MORC2: variants seen among roughly 807,000 people sequenced by gnomAD.
The protein encoded by MORC2 is ATPase MORC2.
In MORC2, 30 loss-of-function variants were observed where a neutral mutation model predicts 136.0. The observed-to-expected ratio is 0.22, with a 90% confidence interval of 0.17 to 0.30. MORC2 has a LOEUF of 0.30. Among genes scored for constraint, MORC2 ranks in the 10% least tolerant of loss-of-function variants. The pLI, the probability that MORC2 is intolerant of heterozygous loss-of-function variation, is 1.00. For missense variants in MORC2, 922 were observed against 1,333.1 expected, an observed-to-expected ratio of 0.69 and a Z score of 4.80; for synonymous variants, 439 against 487.0, an observed-to-expected ratio of 0.90 and a Z score of 1.30.
rs762374457 is a variant in MORC2 at position 30,967,920 on chromosome 22, G to C, written c.-31C>G. On this transcript the variant is annotated 5_prime_UTR_variant, in exon 1 of 26. Coordinates refer to ENST00000397641, the MANE Select transcript of MORC2 (RefSeq NM_001303256.3). ...CAATAAGGTCTCCAGCCCTTCACCC[G>C]CTAACTGGGAAATATAACCTTATAA... The C allele has an allele frequency of 6.8e-7, 1 of 1,465,798 alleles. No individual in the cohort carries two copies. The highest frequency in any genetic ancestry group is 2.0e-5 in the Admixed American group (1 of 50,814). 90.8% of individuals were successfully genotyped at this position (1,465,798 alleles called of 1,614,324 possible).
Position 30,953,380 on chromosome 22 carries a change from T to C in MORC2, c.158-2935A>G, listed in dbSNP as rs115169683. Among the ~76,000 whole-genome samples, 1,174 of 152,272 alleles carry C rather than the reference T, an allele frequency of 7.7e-3. 21 individuals are homozygous for C. Among genetic ancestry groups the C allele is most frequent in the African/African-American group, 0.025 (1,037 of 41,538 alleles). ...AGCTCTGTAAGACTGTCAAAGCCAA[T>C]CTGAAAGTCTGCACATCTCCCAGAA... On this transcript the variant is annotated intron_variant, in intron 3 of 25. Transcript: ENST00000397641.
rs368467051 is a variant in MORC2 at position 30,936,944 on chromosome 22, G to A, written c.1592C>T (p.Pro531Leu). 2 of 1,613,072 alleles carry A rather than the reference G, an allele frequency of 1.2e-6. No individual in the cohort carries two copies. Among genetic ancestry groups the A allele is most frequent in the Admixed American group, 1.7e-5 (1 of 59,996 alleles). Residue 531 changes from proline (P) to leucine (L), a missense_variant, in exon 16 of 26, where the codon CCT becomes CTT. Around this residue, in one of 9 missense-constraint regions of MORC2, gnomAD observed 119 missense variants for 202.7 expected, o/e 0.59. Coordinates refer to ENST00000397641, the MANE Select transcript of MORC2 (RefSeq NM_001303256.3). Reference sequence around the variant, plus strand: ...ACAATGTGCTCACCGGTCCTGTTCAGGATCAGGGTTCATGGAGCAAACCCA... The same window carrying A: ...ACAATGTGCTCACCGGTCCTGTTCAAGATCAGGGTTCATGGAGCAAACCCA... ...DTWVCSMNPD[P>L]EQDRCEASEQ...
intron 1 of MORC2, among the ~76,000 whole-genome samples, chr22:30,959,562 A>C (rs1391870555): frequency 6.6e-6 from 1 of 152,248 alleles, no homozygotes; most frequent in Non-Finnish European, 1.5e-5. Flanking sequence ...TGTGCAATTT[A>C]CACTGTTTAA....
chr22:30,967,608 C>T, intron 1 of MORC2: 1 of 1,355,546 alleles, frequency 7.4e-7, no homozygotes, highest in Non-Finnish European at 9.5e-7. Flanking sequence ...AAATTTTGAT[C>T]CAATAAACAA....
At position 30,926,886 on chromosome 22, in the gene MORC2, G is replaced by T. The variant is rs764985949; in HGVS notation, c.3031-15C>A. On this transcript the variant is annotated splice_polypyrimidine_tract_variant and intron_variant, in intron 25 of 25. Transcript: ENST00000397641. ...ATGTCTATGTCCTGGAATAGAGCAG[G>T]GTAGGGATCAACTGGGGGCCAGAAA... is the stretch of plus-strand genomic sequence containing the variant. 1 of 1,610,958 alleles carries T rather than the reference G, an allele frequency of 6.2e-7. No homozygotes were observed. The highest frequency in any genetic ancestry group is 1.1e-5 in the South Asian group (1 of 90,904).
chr22:30,947,548 C>T (rs1335038640), intron 5 of MORC2, among the ~76,000 whole-genome samples: 1 of 152,178 alleles, frequency 6.6e-6, no homozygotes, highest in African/African-American at 2.4e-5. Flanking sequence ...ATGCCAAGCA[C>T]ACAAATGAAT....
intron 17 of MORC2, among the ~76,000 whole-genome samples, chr22:30,935,992 T>C (rs1289691632): frequency 6.6e-6 from 1 of 152,238 alleles, no homozygotes; most frequent in African/African-American, 2.4e-5. Context: ...TGGAGGGTAC[T>C]TTAGAAATAG....
chr22:30,938,817 C>T (rs2040697388), intron 12 of MORC2, among the ~76,000 whole-genome samples: 1 of 152,238 alleles, frequency 6.6e-6, no homozygotes, highest in Admixed American at 6.5e-5. Context: ...GATCCACCCA[C>T]CTCAGCCTCC....
At chr22:30,961,085 C>T (rs1165393025) in intron 1 of MORC2, among the ~76,000 whole-genome samples, 1 of 150,140 alleles carries the variant, frequency 6.7e-6, no homozygotes, top group African/African-American at 2.5e-5. Context: ...GGTCAGGCTG[C>T]TCTTGAACTC....
intron 25 of MORC2, among the ~76,000 whole-genome samples, chr22:30,927,190 C>G (rs2040498978): frequency 6.6e-6 from 1 of 152,134 alleles, no homozygotes. Flanking sequence ...TCCAGGCCAC[C>G]ACTGTCTCAG....
chr22:30,929,344 T>C (rs952371830), intron 24 of MORC2, among the ~76,000 whole-genome samples: 1 of 152,230 alleles, frequency 6.6e-6, no homozygotes, highest in Non-Finnish European at 1.5e-5. Flanking sequence ...ACTTTAATAT[T>C]GCAGGGCTCC....
At chr22:30,929,608 C>T (rs1019212460) in intron 24 of MORC2, among the ~76,000 whole-genome samples, 1 of 152,046 alleles carries the variant, frequency 6.6e-6, no homozygotes, top group Non-Finnish European at 1.5e-5. Flanking sequence ...ATTAGCCAGG[C>T]GTGGTGGCGG....
rs1030505426 is a variant in MORC2 at position 30,937,427 on chromosome 22, G to T, written c.1498+156C>A. 6.6e-6 allele frequency among the ~76,000 whole-genome samples: 1 copy of T among 152,178 alleles called. No homozygotes were observed. On this transcript the variant is annotated intron_variant, in intron 15 of 25. Coordinates refer to ENST00000397641, the MANE Select transcript of MORC2 (RefSeq NM_001303256.3). The surrounding 1 kb of genome is among the most constrained non-coding windows in gnomAD (Gnocchi z 4.7). ...CAGGTGAAACTCAGCAAAGCCTCAA[G>T]ACTGAGCTCACAGGGCCATCGTCAA...
In MORC2 at chr22:30,926,776, GC is replaced by G; in HGVS notation, c.*26del. The stretch of plus-strand genomic sequence containing the variant: ...AGCTACAGGGTTGAGGGGCAGGTGG[GC>G]AGGGGAGCTGCTCTCTCTCCTGCCT... On this transcript the variant is annotated 3_prime_UTR_variant, in exon 26 of 26. Transcript: ENST00000397641. 1 of 1,602,274 alleles carries G rather than the reference GC, an allele frequency of 6.2e-7. No homozygotes were observed. Among genetic ancestry groups the G allele is most frequent in the Non-Finnish European group, 8.5e-7 (1 of 1,171,100 alleles).
chr22:30,956,792 G>C lies in MORC2; in HGVS notation c.128C>G (p.Ala43Gly). Residue 43 changes from alanine to glycine, a missense_variant, in exon 3 of 26, where the codon GCT becomes GGT. Around this residue, in one of 9 missense-constraint regions of MORC2, gnomAD observed 57 missense variants for 71.8 expected, o/e 0.79. Transcript: ENST00000397641. ...ATAAATATCTATTCTGGTGGCATCA[G>C]CATCTCTGCAAAGTGAAAAGAAAAG... ...LAELVDNARDADATRIDIYAE... is the reference protein window; with the variant it reads ...LAELVDNARDGDATRIDIYAE... 1 of 1,545,166 alleles carries C rather than the reference G, an allele frequency of 6.5e-7. No homozygotes were observed. The highest frequency in any genetic ancestry group is 8.8e-7 in the Non-Finnish European group (1 of 1,142,738).
intron 3 of MORC2, 42 bp from the exon 4 acceptor site, chr22:30,950,487 A>G (rs1225692807): frequency 6.3e-7 from 1 of 1,580,330 alleles, no homozygotes; most frequent in Non-Finnish European, 8.7e-7. Flanking sequence ...GTTACCCACC[A>G]CAGGGTGGCA....
In MORC2 at chr22:30,935,139, C is replaced by T. The variant is rs763388376; in HGVS notation, c.1835G>A (p.Arg612His). 6.8e-6 allele frequency: 11 copies of T among 1,612,868 alleles called. No homozygotes were observed. The highest frequency in any genetic ancestry group is 1.7e-5 in the Admixed American group (1 of 59,892). Residue 612 changes from arginine to histidine, a missense_variant, in exon 19 of 26, where the codon CGT (arginine) becomes CAT (histidine). By Grantham distance (29) the Arg-to-His change is conservative (BLOSUM62 0). Around this residue, in one of 9 missense-constraint regions of MORC2, gnomAD observed 184 missense variants for 180.3 expected, o/e 1.02. Transcript: ENST00000397641. ...STEEPVRRPQ[R>H]PRSPPLPAVI... ...AGCAGGTAAAGGGGGCGACCGAGGA[C>T]GCTGAGGTCTACGCACAGGTTCCTA... is the stretch of plus-strand genomic sequence containing the variant.
chr22:30,932,029 C>G lies in MORC2; in HGVS notation c.2841+330G>C, dbSNP rs372114128. On this transcript the variant is annotated intron_variant, in intron 24 of 25. Coordinates refer to ENST00000397641, the MANE Select transcript of MORC2 (RefSeq NM_001303256.3). The surrounding 1 kb of genome is among the most constrained non-coding windows in gnomAD (Gnocchi z 4.4). ...CTGTTGCCTGGGACAGGTTTACTCC[C>G]TCTACTGGGGCAGAAGAAAGTGGGT... is the stretch of plus-strand genomic sequence containing the variant. Among the ~76,000 whole-genome samples, 23 of 152,382 alleles carry G rather than the reference C, an allele frequency of 1.5e-4. 1 individual carries two copies. The East Asian group carries it at 4.2e-3, about 28-fold the overall frequency.
At chr22:30,947,876 T>C (rs2040841199) in intron 5 of MORC2, among the ~76,000 whole-genome samples, 1 of 152,178 alleles carries the variant, frequency 6.6e-6, no homozygotes, top group Admixed American at 6.5e-5. Context: ...ATATCACTTC[T>C]CTAACTGGCT....
Sources: gnomAD v4.1 joint callset for allele counts (sites outside exome capture counted in the v4.1 genomes callset) on GRCh38, gnomAD v4.1.1 for gene constraint, gnomAD v4.1.1 regional missense constraint, Gnocchi (gnomAD v3.1) non-coding constraint, MANE v1.5 for transcripts, NCBI Gene and HGNC (gene_info 2026-07-23, HGNC 2026-07-21) for gene names.